Variants in C12orf56 observed in about 807,000 individuals in gnomAD.
C12orf56 encodes the protein uncharacterized protein C12orf56.
In C12orf56, 71 loss-of-function variants were observed where a neutral mutation model predicts 69.9. The ratio of observed to expected loss-of-function variants is 1.02; its 90% CI spans 0.84 to 1.24. The LOEUF (loss-of-function observed/expected upper bound fraction) is 1.24. C12orf56 is among the 50% of genes most tolerant of loss of function. The pLI is 0.00. For missense variants in C12orf56, 732 were observed against 738.5 expected (o/e 0.99, Z 0.10); for synonymous variants, 276 against 274.1 (o/e 1.01, Z -0.07).
chr12:64,275,466 T>C, intron 9 of C12orf56, 94 bp from the exon 10 acceptor site: 1 of 560,670 alleles, frequency 1.8e-6, no homozygotes, highest in Admixed American at 4.0e-5. Context: ...TACAATAAAC[T>C]TTCTCTTTTT....
rs544105622 is a variant in C12orf56 at position 64,280,421 on chromosome 12, G to A, written c.1311-2618C>T. Among the ~76,000 whole-genome samples, 75 of 152,236 alleles carry A rather than the reference G, an allele frequency of 4.9e-4. 1 individual carries two copies. Among genetic ancestry groups the A allele is most frequent in the African/African-American group, 1.7e-3 (71 of 41,548 alleles). ...AAATACAGACTTTGAAGGCCACATC[G>A]ATAGTCTCCTAAGTCAGTCCATGTT... On this transcript the variant is annotated intron_variant, in intron 8 of 12. Coordinates refer to ENST00000543942, the MANE Select transcript of C12orf56 (RefSeq NM_001170633.2).
At position 64,331,432 on chromosome 12, in the gene C12orf56, T is replaced by C. The variant is rs139501451; in HGVS notation, c.416-400A>G. ...TGGAGGATTGCTTGAGCCTAGGTGG[T>C]TGAGGATGCAGTGAGCTATGATCAC... On this transcript the variant is annotated intron_variant, in intron 2 of 12. Transcript: ENST00000543942. 3.7e-3 allele frequency among the ~76,000 whole-genome samples: 559 copies of C among 152,252 alleles called. 1 individual carries two copies. Among genetic ancestry groups the C allele is most frequent in the African/African-American group, 0.013 (528 of 41,556 alleles).
chr12:64,315,732 G>C (rs1211904357), intron 4 of C12orf56, among the ~76,000 whole-genome samples: 1 of 152,170 alleles, frequency 6.6e-6, no homozygotes, highest in African/African-American at 2.4e-5. Flanking sequence ...AGGAGTTCAA[G>C]ACCAGCCTGG....
chr12:64,285,358 T>A (rs1167443400), intron 7 of C12orf56, among the ~76,000 whole-genome samples: 2 of 152,200 alleles, frequency 1.3e-5, no homozygotes, highest in Non-Finnish European at 2.9e-5. Flanking sequence ...AAAATGTCAA[T>A]GGTAAAAAAG....
At chr12:64,283,644 CTCTTT>C (rs1463829464) in intron 8 of C12orf56, among the ~76,000 whole-genome samples, 2 of 149,334 alleles carry the variant, frequency 1.3e-5, no homozygotes, top group African/African-American at 5.0e-5. Context: ...CTGCTTCTCT[CTCTTT>C]TTTTTTTTTT....
intron 6 of C12orf56, among the ~76,000 whole-genome samples, 178 bp downstream of exon 6, chr12:64,303,457 A>T (rs533918535): frequency 6.6e-6 from 1 of 151,240 alleles, no homozygotes; most frequent in African/African-American, 2.4e-5. Context: ...ACACATATAC[A>T]TTACTGATTG....
At chr12:64,325,185 A>T (rs1265389193) in intron 3 of C12orf56, among the ~76,000 whole-genome samples, 1 of 152,118 alleles carries the variant, frequency 6.6e-6, no homozygotes, top group East Asian at 1.9e-4. Context: ...AAGTCCTCAC[A>T]TTGCCCAGTC....
chr12:64,267,603 G>A (rs1050788797), intron 12 of C12orf56: 5 of 276,182 alleles, frequency 1.8e-5, no homozygotes, highest in African/African-American at 9.1e-5. Context: ...GTGTTGAAAT[G>A]AAAGGGTCAA....
chr12:64,283,474 C>T lies in C12orf56; in HGVS notation c.1310+1190G>A, dbSNP rs115990209. On this transcript the variant is annotated intron_variant, in intron 8 of 12. Transcript: ENST00000543942. ...TCTTCCTTTTAATAACAGATGTCCC[C>T]ATTACCATTCAAAACGAAGTTAGGC... 7.8e-3 allele frequency among the ~76,000 whole-genome samples: 1,187 copies of T among 152,312 alleles called. 15 individuals carry two copies. The highest frequency in any genetic ancestry group is 0.027 in the African/African-American group (1,122 of 41,556).
Position 64,303,747 on chromosome 12 carries a change from A to G in C12orf56, c.1001T>C (p.Leu334Pro). ...SEEKIKHFSQLKSELFLKDNS... is the reference protein window; with the variant it reads ...SEEKIKHFSQPKSELFLKDNS... ...GTCTTTAAGAAAAAGTTCAGATTTA[A>G]GTTGACTGAAGTGCTTAATTTTCTC... The change falls in exon 6 of 13, where the codon CTT (leucine) becomes CCT (proline). Residue 334 changes from leucine to proline, a missense_variant. Leu to Pro is a moderately conservative substitution (Grantham distance 98). Transcript: ENST00000543942. The G allele has an allele frequency of 6.3e-7, 1 of 1,585,772 alleles. No homozygotes were observed. The highest frequency in any genetic ancestry group is 1.3e-5 in the African/African-American group (1 of 74,382).
chr12:64,271,294 A>G (rs12298172), intron 11 of C12orf56, among the ~76,000 whole-genome samples: 34,105 of 151,782 alleles, frequency 0.22, 4,133 homozygotes, highest in East Asian at 0.5. Context: ...GCAAAACCCC[A>G]TCTCTACTAA....
chr12:64,377,256 T>C (rs1257805666), intron 1 of C12orf56, among the ~76,000 whole-genome samples: 1 of 149,968 alleles, frequency 6.7e-6, no homozygotes, highest in African/African-American at 2.5e-5. Context: ...AGTGGTGTGA[T>C]CTCGGCTCAC....
At chr12:64,367,992 G>A (rs747406642) in intron 1 of C12orf56, among the ~76,000 whole-genome samples, 53 of 151,394 alleles carry the variant, frequency 3.5e-4, no homozygotes, top group Non-Finnish European at 6.9e-4. Context: ...ATTTTTAGTA[G>A]AGACAGGATT....
Position 64,390,309 on chromosome 12 carries a change from C to T in C12orf56, c.252+5G>A, listed in dbSNP as rs765890492. 21 of 1,602,708 alleles carry T rather than the reference C, an allele frequency of 1.3e-5. No individual in the cohort carries two copies. In the South Asian group the frequency reaches 2.1e-4, roughly 16 times the overall value. ...CGAGCCCGCCTGCCCACCCGCGCCG[C>T]TCACCAGGTCAATGGCCACGACGTC... On this transcript the variant is annotated splice_donor_5th_base_variant and intron_variant, in intron 1 of 12. Transcript: ENST00000543942.
At chr12:64,286,144 G>A in intron 6 of C12orf56, 84 bp from the exon 7 acceptor site, 2 of 836,122 alleles carry the variant, frequency 2.4e-6, no homozygotes, top group Admixed American at 3.1e-5. Flanking sequence ...AAAATATGAA[G>A]AAATAATTTG....
chr12:64,328,006 ATT>A (rs890676031), intron 3 of C12orf56, among the ~76,000 whole-genome samples: 1 of 148,760 alleles, frequency 6.7e-6, no homozygotes. Flanking sequence ...TTCCTAAGCC[ATT>A]TTTTTTTTGG....
At chr12:64,285,449 A>C (rs954398382) in intron 7 of C12orf56, among the ~76,000 whole-genome samples, 1 of 152,184 alleles carries the variant, frequency 6.6e-6, no homozygotes, top group African/African-American at 2.4e-5. Context: ...TTTCTTGTGC[A>C]TCCTTCCATT....
intron 3 of C12orf56, among the ~76,000 whole-genome samples, chr12:64,323,565 C>CTTTTTTTTTTTTTTTTTT (rs375927934): frequency 7.6e-6 from 1 of 130,848 alleles, no homozygotes; most frequent in Non-Finnish European, 1.6e-5. Context: ...CAAACATTTC[C>CTTTTTTTTTTTTTTTTTT]TTTTTTTTTT....
intron 2 of C12orf56, among the ~76,000 whole-genome samples, chr12:64,341,468 C>T (rs1411044505): frequency 6.6e-6 from 1 of 152,188 alleles, no homozygotes; most frequent in African/African-American, 2.4e-5. Flanking sequence ...GGCCATCCCA[C>T]CATTCTATCA....
Sources: allele counts gnomAD v4.1 joint callset (sites outside exome capture counted in the v4.1 genomes callset), GRCh38; gene constraint gnomAD v4.1.1; transcripts MANE v1.5; gene names NCBI Gene and HGNC (gene_info 2026-07-23, HGNC 2026-07-21).